KIAA0753: variants seen among roughly 807,000 people sequenced by gnomAD.
KIAA0753 encodes KIAA0753, also known as protein moonraker.
Under a neutral mutation model 116.9 loss-of-function variants are expected in KIAA0753, and 114 were observed. The observed-to-expected ratio is 0.98, with a 90% CI of 0.84 to 1.14. The LOEUF (loss-of-function observed/expected upper bound fraction) is 1.14, where lower values mean the gene tolerates loss of function less well. Ranked by LOEUF, KIAA0753 falls within the 50% of genes most tolerant of loss-of-function variation. The probability of loss-of-function intolerance (pLI) is 0.00; values close to 1 mark genes in which losing one functional copy is unlikely to be tolerated. For synonymous variants in KIAA0753, 405 were observed against 413.1 expected (o/e 0.98, Z 0.24); for missense variants, 1,156 against 1,172.4 (o/e 0.99, Z 0.20).
At chr17:6,604,296 C>T (rs1333291145) in intron 12 of KIAA0753, among the ~76,000 whole-genome samples, 1 of 150,428 alleles carries the variant, frequency 6.6e-6, no homozygotes, top group East Asian at 2.0e-4. Context: ...GGCTGGAGTG[C>T]AGTGACATGA....
chr17:6,594,970 A>AC lies in KIAA0753; in HGVS notation c.2440+1dup, dbSNP rs766532986. On this transcript the variant is annotated splice_donor_variant, in intron 16 of 18. Transcript: ENST00000361413. LOFTEE classifies it high-confidence loss of function. ...AGGGGAAAAACATGGGGAAACACTCACCATTGTTTTCTTCCTGCATCCAAA... is the reference window on the plus strand; with the variant it reads ...AGGGGAAAAACATGGGGAAACACTCACCCATTGTTTTCTTCCTGCATCCAAA... The AC allele has an allele frequency of 1.9e-6, 3 of 1,602,514 alleles. No individual in the cohort carries two copies.
chr17:6,591,600 G>C (rs1969068831), intron 16 of KIAA0753, among the ~76,000 whole-genome samples: 2 of 152,160 alleles, frequency 1.3e-5, no homozygotes, highest in South Asian at 4.1e-4. Context: ...GTGTCCTAGA[G>C]AGCTCCTTTT....
At chr17:6,618,975 T>G (rs745602483) in intron 7 of KIAA0753, among the ~76,000 whole-genome samples, 4 of 152,138 alleles carry the variant, frequency 2.6e-5, no homozygotes, top group Non-Finnish European at 5.9e-5. Flanking sequence ...ATGCCTGTAA[T>G]CCCAGCACTT....
chr17:6,600,028 T>C (rs1301181413), intron 13 of KIAA0753, among the ~76,000 whole-genome samples: 1 of 152,092 alleles, frequency 6.6e-6, no homozygotes, highest in Non-Finnish European at 1.5e-5. Flanking sequence ...AAAATAGAGC[T>C]CATCATTCCA....
intron 16 of KIAA0753, among the ~76,000 whole-genome samples, chr17:6,591,857 C>T (rs116030608): frequency 0.021 from 3,141 of 152,334 alleles, 104 homozygotes; most frequent in African/African-American, 0.07. Flanking sequence ...GGGCCCTTGC[C>T]GGGCCAGTCC....
In KIAA0753 at chr17:6,605,790, G is replaced by A. The variant is rs143501304; in HGVS notation, c.2009+1083C>T. Reference sequence around the variant, plus strand: ...GGCAACGGTCGATTCCTTGACTTACGATGGTGGTGCGTGGATGTTCATTCT... The same window carrying A: ...GGCAACGGTCGATTCCTTGACTTACAATGGTGGTGCGTGGATGTTCATTCT... On this transcript the variant is annotated intron_variant, in intron 12 of 18. Coordinates refer to ENST00000361413, the MANE Select transcript of KIAA0753 (RefSeq NM_014804.3). 6.9e-3 allele frequency among the ~76,000 whole-genome samples: 1,044 copies of A among 152,232 alleles called. 12 individuals are homozygous for A. Among genetic ancestry groups the A allele is most frequent in the African/African-American group, 0.023 (964 of 41,522 alleles).
In KIAA0753 at chr17:6,596,363, G is replaced by T; in HGVS notation, c.2173-20C>A. ...TGCAACCTACAAGATGGGGTGGGGT[G>T]GGGAGGAGAGGCATGGGGTGGATTA... On this transcript the variant is annotated intron_variant, in intron 14 of 18. Coordinates refer to ENST00000361413, the MANE Select transcript of KIAA0753 (RefSeq NM_014804.3). 6.3e-7 allele frequency: 1 copy of T among 1,594,490 alleles called. No homozygotes were observed. Among genetic ancestry groups the T allele is most frequent in the South Asian group, 1.1e-5 (1 of 90,028 alleles).
chr17:6,634,767 A>G (rs1204673146), intron 2 of KIAA0753: 1 of 434,966 alleles, frequency 2.3e-6, no homozygotes, highest in Non-Finnish European at 4.2e-6. Context: ...ATGATTAAGT[A>G]GGAGAGTTCA....
intron 18 of KIAA0753, among the ~76,000 whole-genome samples, chr17:6,586,730 C>T (rs1968605899): frequency 1.3e-5 from 2 of 152,210 alleles, no homozygotes; most frequent in South Asian, 4.1e-4. Context: ...CCTTTCATAT[C>T]ACTCTTTTAT....
At chr17:6,612,616 C>T (rs552666318) in intron 7 of KIAA0753, among the ~76,000 whole-genome samples, 46 of 152,238 alleles carry the variant, frequency 3.0e-4, no homozygotes, top group Non-Finnish European at 5.4e-4. Context: ...GCCTGAAATC[C>T]CAGCACTTTG....
At chr17:6,591,010 GA>G (rs1567540248) in intron 16 of KIAA0753, among the ~76,000 whole-genome samples, 5 of 49,346 alleles carry the variant, frequency 1.0e-4, no homozygotes, top group Non-Finnish European at 2.7e-4. Flanking sequence ...GAAGAAGAAG[GA>G]AGAAGAAGGA....
chr17:6,621,081 C>T, intron 6 of KIAA0753, 83 bp from the exon 7 acceptor site: 1 of 1,258,580 alleles, frequency 7.9e-7, no homozygotes, highest in Admixed American at 2.2e-5. Context: ...ATAAGGACTC[C>T]AGGGAAATGT....
chr17:6,638,566 G>C (rs1249462659), intron 1 of KIAA0753: 1 of 154,716 alleles, frequency 6.5e-6, no homozygotes, highest in African/African-American at 2.4e-5. Flanking sequence ...CACTGACCCA[G>C]GGACCCCTAA....
chr17:6,624,468 T>C (rs1489388854), intron 4 of KIAA0753, among the ~76,000 whole-genome samples: 2 of 149,512 alleles, frequency 1.3e-5, no homozygotes, highest in East Asian at 3.9e-4. Flanking sequence ...TGGGGAGGAG[T>C]GGCTTTTAAT....
chr17:6,619,280 T>C (rs1286738322), intron 7 of KIAA0753, among the ~76,000 whole-genome samples: 3 of 151,976 alleles, frequency 2.0e-5, no homozygotes, highest in Admixed American at 6.6e-5. Context: ...AGATAAACAT[T>C]GGAAGGGGTA....
chr17:6,614,932 G>A lies in KIAA0753; in HGVS notation c.1316-2784C>T, dbSNP rs142782423. On this transcript the variant is annotated intron_variant, in intron 7 of 18. Transcript: ENST00000361413. ...TCCTGCCTCAGCCTCCTGAGCAGCC[G>A]GGATTACAGGCATGTGCCACCACGC... 7.9e-3 allele frequency among the ~76,000 whole-genome samples: 1,210 copies of A among 152,302 alleles called. 7 individuals are homozygous for A. The highest frequency in any genetic ancestry group is 0.012 in the Admixed American group (178 of 15,298).
intron 18 of KIAA0753, among the ~76,000 whole-genome samples, chr17:6,589,388 T>G (rs567594224): frequency 6.6e-5 from 10 of 152,308 alleles, no homozygotes; most frequent in Admixed American, 5.9e-4. Context: ...CCTCCAGAAC[T>G]GTGAGAAATA....
chr17:6,619,631 T>A (rs1347884838), intron 7 of KIAA0753, among the ~76,000 whole-genome samples: 1 of 152,160 alleles, frequency 6.6e-6, no homozygotes, highest in Non-Finnish European at 1.5e-5. Flanking sequence ...CTACTTATGT[T>A]GCCCAGGCTG....
In KIAA0753 at chr17:6,607,378, C is replaced by T. The variant is rs1597518163; in HGVS notation, c.1830-108G>A. 7.2e-6 allele frequency: 6 copies of T among 829,144 alleles called. No individual in the cohort carries two copies. In the East Asian group the frequency reaches 1.5e-4, roughly 20 times the overall value. 51.4% of individuals were successfully genotyped at this position (829,144 alleles called of 1,614,324 possible). A position where few individuals can be genotyped will look rare whatever the true frequency, so the allele number is the denominator to read the frequency against. The stretch of plus-strand genomic sequence containing the variant: ...GACCACTGCAGAGCAGAGCACCAAT[C>T]CAGGCTCTATTAAGCTACTCAGTAG... On this transcript the variant is annotated intron_variant, in intron 10 of 18. Coordinates refer to ENST00000361413, the MANE Select transcript of KIAA0753 (RefSeq NM_014804.3).
Sources: gnomAD v4.1 joint callset for allele counts (sites outside exome capture counted in the v4.1 genomes callset) on GRCh38, gnomAD v4.1.1 for gene constraint, MANE v1.5 for transcripts, NCBI Gene and HGNC (gene_info 2026-07-23, HGNC 2026-07-21) for gene names.